WNT4: variants seen among roughly 807,000 people sequenced by gnomAD.
The protein encoded by WNT4 is Wnt family member 4.
Under a neutral mutation model 34.5 loss-of-function variants are expected in WNT4, and 16 were observed. That is an observed-to-expected ratio of 0.46 (90% CI 0.31 to 0.70). The LOEUF (loss-of-function observed/expected upper bound fraction) is 0.70. Among genes scored for constraint, WNT4 ranks in the 30% least tolerant of loss-of-function variants. The pLI is 0.04. For missense variants in WNT4, 379 were observed against 495.9 expected, an observed-to-expected ratio of 0.76 and a Z score of 2.24; for synonymous variants, 200 against 211.9, an observed-to-expected ratio of 0.94 and a Z score of 0.49.
chr1:22,128,258 C>T (rs1044815213), intron 2 of WNT4, among the ~76,000 whole-genome samples: 1 of 152,218 alleles, frequency 6.6e-6, no homozygotes, highest in African/African-American at 2.4e-5. Flanking sequence ...CAGCCCCGGC[C>T]GTCCAGGACC....
chr1:22,122,928 C>T (rs1645913129), intron 2 of WNT4, among the ~76,000 whole-genome samples: 1 of 152,230 alleles, frequency 6.6e-6, no homozygotes, highest in Non-Finnish European at 1.5e-5. Context: ...TCTCCACTGC[C>T]CACTCTCCAC....
In WNT4 at chr1:22,130,768, G is replaced by A. The variant is rs146253947; in HGVS notation, c.78-917C>T. Among the ~76,000 whole-genome samples, 420 of 152,320 alleles carry A rather than the reference G, an allele frequency of 2.8e-3. 5 individuals are homozygous for A. Among genetic ancestry groups the A allele is most frequent in the African/African-American group, 9.5e-3 (394 of 41,564 alleles). On this transcript the variant is annotated intron_variant, in intron 1 of 4. Transcript: ENST00000290167. The stretch of plus-strand genomic sequence containing the variant: ...GTGAGAGATGGCCTGACACTGGCCC[G>A]AGGCAATGAGGCAGGAAGTCGCCAT...
At chr1:22,125,993 G>A (rs575395324) in intron 2 of WNT4, among the ~76,000 whole-genome samples, 36 of 152,250 alleles carry the variant, frequency 2.4e-4, no homozygotes, top group African/African-American at 7.7e-4. Flanking sequence ...CCTATTATGT[G>A]CAGGTCCTGT....
intron 2 of WNT4, among the ~76,000 whole-genome samples, chr1:22,124,027 A>G (rs1437744372): frequency 6.6e-6 from 1 of 151,868 alleles, no homozygotes; most frequent in African/African-American, 2.4e-5. Context: ...CAGCCCTTGG[A>G]CTCCAGGGTG....
In WNT4 at chr1:22,121,482, G is replaced by A. The variant is rs753168607; in HGVS notation, c.408C>T (p.Cys136=). The A allele has an allele frequency of 9.3e-6, 15 of 1,613,958 alleles. No individual in the cohort carries two copies. Among genetic ancestry groups the A allele is most frequent in the East Asian group, 4.5e-5 (2 of 44,864 alleles). Residue 136 remains cysteine, a synonymous_variant, in exon 3 of 5, where the codon TGC becomes TGT. Coordinates refer to ENST00000290167, the MANE Select transcript of WNT4 (RefSeq NM_030761.5). ...CCCCATGCACTGTCCTGTCACAGCC[G>A]CACTTCTCCAGCTCCCCACTGCTGC... ...RACSSGELEK[C]GCDRTVHGVS...
Position 22,122,417 on chromosome 1 carries a change from G to A in WNT4, c.314-841C>T, listed in dbSNP as rs111555500. ...GCCTCTGCCTCATGACTTCTCAGTGGTTCTATTTTGGTGCCCGCCCTCGTC... is the reference window on the plus strand; with the variant it reads ...GCCTCTGCCTCATGACTTCTCAGTGATTCTATTTTGGTGCCCGCCCTCGTC... On this transcript the variant is annotated intron_variant, in intron 2 of 4. Transcript: ENST00000290167. 2.5e-3 allele frequency among the ~76,000 whole-genome samples: 386 copies of A among 152,202 alleles called. 2 individuals carry two copies. Among genetic ancestry groups the A allele is most frequent in the African/African-American group, 9.2e-3 (381 of 41,516 alleles).
chr1:22,140,379 AT>A lies in WNT4; in HGVS notation c.77+2466del. 3.7e-6 allele frequency: 2 copies of A among 535,646 alleles called. No homozygotes were observed. The highest frequency in any genetic ancestry group is 4.8e-6 in the Non-Finnish European group (2 of 419,004). 33.2% of individuals were successfully genotyped at this position (535,646 alleles called of 1,614,324 possible). A position where few individuals can be genotyped will look rare whatever the true frequency, so the allele number is the denominator to read the frequency against. ...GTAACGGGATTGAAACGTTGTTGGG[AT>A]TTAGATCATGCTGTGGGAGTCATCA... On this transcript the variant is annotated intron_variant, in intron 1 of 4. Transcript: ENST00000290167. This position sits in a 1 kb window ranked among gnomAD's most constrained non-coding sequence, Gnocchi z 5.9.
intron 2 of WNT4, chr1:22,127,319 C>T (rs751125185): frequency 9.4e-6 from 5 of 530,346 alleles, no homozygotes; most frequent in African/African-American, 3.9e-5. Flanking sequence ...GTTCCTCCCC[C>T]AAAGGTAAGG....
chr1:22,121,510 G>C lies in WNT4; in HGVS notation c.380C>G (p.Ala127Gly). ...CTTCTCCAGCTCCCCACTGCTGCAC[G>C]CCCGCGTCACTGCAAAGGCCACACC... ...SAGVAFAVTR[A>G]CSSGELEKCG... The change falls in exon 3 of 5, where the codon GCG becomes GGG. Residue 127 changes from alanine to glycine, a missense_variant. This residue lies in a region of WNT4 where 313 missense variants were observed against 445.8 expected (regional missense o/e 0.70). Coordinates refer to ENST00000290167, the MANE Select transcript of WNT4 (RefSeq NM_030761.5). 6.2e-7 allele frequency: 1 copy of C among 1,613,968 alleles called. No homozygotes were observed. The highest frequency in any genetic ancestry group is 8.5e-7 in the Non-Finnish European group (1 of 1,180,008).
intron 2 of WNT4, among the ~76,000 whole-genome samples, chr1:22,124,020 C>T (rs1288823961): frequency 1.3e-5 from 2 of 152,254 alleles, no homozygotes; most frequent in Non-Finnish European, 2.9e-5. Flanking sequence ...TGGTGTCCAG[C>T]CCTTGGACTC....
At chr1:22,128,464 T>C (rs1450241192) in intron 2 of WNT4, among the ~76,000 whole-genome samples, 2 of 152,206 alleles carry the variant, frequency 1.3e-5, no homozygotes, top group African/African-American at 2.4e-5. Flanking sequence ...TCCAGTTCCA[T>C]AGACCGTTCT....
chr1:22,133,322 G>A (rs960234519), intron 1 of WNT4, among the ~76,000 whole-genome samples: 1 of 152,144 alleles, frequency 6.6e-6, no homozygotes, highest in Non-Finnish European at 1.5e-5. Context: ...AAGGATGAGG[G>A]AGGAATGTGG....
chr1:22,123,539 C>G (rs982309593), intron 2 of WNT4, among the ~76,000 whole-genome samples: 1 of 152,214 alleles, frequency 6.6e-6, no homozygotes, highest in African/African-American at 2.4e-5. Flanking sequence ...GTGCTGGGCT[C>G]TGTCTAAGGA....
intron 4 of WNT4, 44 bp from the exon 5 acceptor site, chr1:22,120,561 G>A (rs769504482): frequency 6.4e-6 from 10 of 1,561,392 alleles, no homozygotes; most frequent in Non-Finnish European, 7.8e-6. Flanking sequence ...GAGATGGCAA[G>A]GGAAGGCAGG....
intron 1 of WNT4, among the ~76,000 whole-genome samples, chr1:22,135,874 A>T (rs1399106910): frequency 1.3e-5 from 2 of 152,104 alleles, no homozygotes; most frequent in African/African-American, 2.4e-5. Context: ...CCGCCAGTGC[A>T]CACCACTCTG....
chr1:22,138,406 G>C (rs909819), intron 1 of WNT4, among the ~76,000 whole-genome samples: 141,996 of 151,784 alleles, frequency 0.94, 66,552 homozygotes, highest in East Asian at 1. Flanking sequence ...GATTTTGCCC[G>C]CCCCCCAGGG....
chr1:22,121,881 G>A (rs1450110140), intron 2 of WNT4, among the ~76,000 whole-genome samples: 3 of 152,158 alleles, frequency 2.0e-5, no homozygotes, highest in Non-Finnish European at 2.9e-5. Flanking sequence ...GGGCTTTTCC[G>A]AGGTCACTGA....
At chr1:22,130,111 C>T (rs904752546) in intron 1 of WNT4, among the ~76,000 whole-genome samples, 1 of 152,188 alleles carries the variant, frequency 6.6e-6, no homozygotes, top group Non-Finnish European at 1.5e-5. Flanking sequence ...GGAAGCTCAT[C>T]GAGCCCCTAC....
At chr1:22,138,790 C>T (rs1364415567) in intron 1 of WNT4, among the ~76,000 whole-genome samples, 1 of 152,158 alleles carries the variant, frequency 6.6e-6, no homozygotes, top group Non-Finnish European at 1.5e-5. Context: ...CTGGGCTGGC[C>T]GTGCCCCATC....
Sources: allele counts gnomAD v4.1 joint callset (sites outside exome capture counted in the v4.1 genomes callset), GRCh38; gene constraint gnomAD v4.1.1; regional missense constraint gnomAD v4.1.1; non-coding constraint Gnocchi (gnomAD v3.1); transcripts MANE v1.5; gene names NCBI Gene and HGNC (gene_info 2026-07-23, HGNC 2026-07-21).